The following RBFOX1 variants were observed in gnomAD, a reference collection of about 807,000 sequenced individuals.
RBFOX1 encodes RNA binding protein fox-1 homolog 1.
In RBFOX1, 8 loss-of-function variants were observed where a neutral mutation model predicts 57.7. The ratio of observed to expected loss-of-function variants is 0.14; its 90% CI spans 0.08 to 0.25. RBFOX1 has a LOEUF of 0.25. Among genes scored for constraint, RBFOX1 ranks in the 10% least tolerant of loss-of-function variants. The pLI is 1.00. For synonymous variants in RBFOX1, 326 were observed against 222.4 expected (o/e 1.47, Z -4.15); for missense variants, 611 against 548.5 (o/e 1.11, Z -1.14).
At chr16:7,349,555 C>G (rs1267597245) in intron 4 of RBFOX1, among the ~76,000 whole-genome samples, 2 of 151,710 alleles carry the variant, frequency 1.3e-5, no homozygotes, top group Non-Finnish European at 2.9e-5. Context: ...CAGTAGCTTA[C>G]CAGTTAATAC....
chr16:6,103,378 G>A (rs1405586869), intron 1 of RBFOX1, among the ~76,000 whole-genome samples: 1 of 152,064 alleles, frequency 6.6e-6, no homozygotes, highest in African/African-American at 2.4e-5. Context: ...ACATATGTAA[G>A]ATATCTAACA....
intron 1 of RBFOX1, among the ~76,000 whole-genome samples, chr16:6,074,701 G>A (rs1377508110): frequency 6.6e-6 from 1 of 152,164 alleles, no homozygotes; most frequent in African/African-American, 2.4e-5. Flanking sequence ...CAGAGGTAAG[G>A]GAGGATTCTG....
chr16:7,109,258 T>C (rs1267201499), intron 4 of RBFOX1, among the ~76,000 whole-genome samples: 1 of 152,182 alleles, frequency 6.6e-6, no homozygotes, highest in African/African-American at 2.4e-5. Flanking sequence ...CATATATTAT[T>C]GGATGCAAAC....
chr16:5,426,088 A>G (rs1256796680), intron 1 of RBFOX1, among the ~76,000 whole-genome samples: 1 of 152,184 alleles, frequency 6.6e-6, no homozygotes, highest in African/African-American at 2.4e-5. Context: ...CTCCTTCCAA[A>G]TCGATTTCAC....
chr16:6,291,186 C>T (rs2077432200), intron 1 of RBFOX1, among the ~76,000 whole-genome samples: 1 of 152,106 alleles, frequency 6.6e-6, no homozygotes, highest in Non-Finnish European at 1.5e-5. Context: ...TCAGCAAGGT[C>T]TTCTTGACCT....
intron 3 of RBFOX1, among the ~76,000 whole-genome samples, chr16:5,857,373 C>G (rs995892980): frequency 3.3e-5 from 5 of 152,000 alleles, no homozygotes; most frequent in African/African-American, 1.2e-4. Context: ...GCAGGTATTA[C>G]CAAAATGTGC....
chr16:5,315,220 G>A (rs2064203188), intron 1 of RBFOX1, among the ~76,000 whole-genome samples: 1 of 152,212 alleles, frequency 6.6e-6, no homozygotes, highest in African/African-American at 2.4e-5. Flanking sequence ...CAGAGAGGAA[G>A]GTTCGATGAG....
chr16:7,156,824 T>A (rs560956203), intron 4 of RBFOX1, among the ~76,000 whole-genome samples: 2 of 152,332 alleles, frequency 1.3e-5, no homozygotes, highest in South Asian at 2.1e-4. Context: ...TGCACAATTA[T>A]AGGATAATTT....
chr16:7,540,438 A>G (rs531652484), intron 5 of RBFOX1, among the ~76,000 whole-genome samples: 1 of 152,222 alleles, frequency 6.6e-6, no homozygotes, highest in East Asian at 1.9e-4. Flanking sequence ...TAACACAACT[A>G]CTCTGTGTTA....
Position 6,952,677 on chromosome 16 carries a change from A to G in RBFOX1, c.-15-99380A>G, listed in dbSNP as rs953685570. On this transcript the variant is annotated intron_variant, in intron 3 of 15. Transcript: ENST00000550418. The stretch of plus-strand genomic sequence containing the variant: ...AAAAAAGAAAAGAAAAAGAAATGAA[A>G]AAAAATTATCCTTGGTAGGGCCGGG... 1.8e-4 allele frequency among the ~76,000 whole-genome samples: 28 copies of G among 152,126 alleles called. No homozygotes were observed. The East Asian group carries it at 4.5e-3, about 24-fold the overall frequency.
intron 1 of RBFOX1, among the ~76,000 whole-genome samples, chr16:5,267,782 G>A (rs984363958): frequency 6.6e-6 from 1 of 152,134 alleles, no homozygotes; most frequent in African/African-American, 2.4e-5. Flanking sequence ...CAGGTGTGGA[G>A]GATAAAAAGA....
At chr16:5,436,420 C>G (rs776886357) in intron 1 of RBFOX1, among the ~76,000 whole-genome samples, 2 of 152,194 alleles carry the variant, frequency 1.3e-5, no homozygotes, top group Non-Finnish European at 2.9e-5. Flanking sequence ...AAAGCCTGGT[C>G]TTCTATTCTC....
chr16:7,100,057 G>A (rs571217979), intron 4 of RBFOX1, among the ~76,000 whole-genome samples: 38 of 151,742 alleles, frequency 2.5e-4, no homozygotes, highest in Admixed American at 1.1e-3. Context: ...TTCACATGAT[G>A]GGGGGTGAGG....
intron 3 of RBFOX1, among the ~76,000 whole-genome samples, chr16:5,756,771 T>C (rs762710469): frequency 6.6e-6 from 1 of 152,202 alleles, no homozygotes; most frequent in Non-Finnish European, 1.5e-5. Context: ...GAGATGTTAC[T>C]TGCCAGGGAT....
intron 4 of RBFOX1, among the ~76,000 whole-genome samples, chr16:7,099,225 T>C (rs2062226733): frequency 6.6e-6 from 1 of 152,118 alleles, no homozygotes; most frequent in African/African-American, 2.4e-5. Context: ...TACGTGTGGA[T>C]GTAGAATGAG....
At chr16:7,274,928 C>T (rs979784424) in intron 4 of RBFOX1, among the ~76,000 whole-genome samples, 2 of 152,038 alleles carry the variant, frequency 1.3e-5, no homozygotes, top group African/African-American at 2.4e-5. Context: ...AAGTGACCTG[C>T]CTGCCTCGGC....
intron 4 of RBFOX1, among the ~76,000 whole-genome samples, chr16:7,480,269 G>A (rs1368922171): frequency 2.6e-5 from 4 of 152,176 alleles, no homozygotes; most frequent in Non-Finnish European, 2.9e-5. Context: ...GCTAGAGCAA[G>A]GACAGATCTG....
chr16:7,161,666 C>G (rs982541829), intron 4 of RBFOX1, among the ~76,000 whole-genome samples: 2 of 152,148 alleles, frequency 1.3e-5, no homozygotes, highest in Non-Finnish European at 1.5e-5. Flanking sequence ...ATCAGGTTCA[C>G]AAATGCAGAA....
chr16:6,276,253 A>G (rs942867954), intron 1 of RBFOX1, among the ~76,000 whole-genome samples: 8 of 152,218 alleles, frequency 5.3e-5, no homozygotes, highest in African/African-American at 1.9e-4. Context: ...TAAATATGTC[A>G]AATGTGTGGA....
Sources: allele counts gnomAD v4.1 joint callset (sites outside exome capture counted in the v4.1 genomes callset), GRCh38; gene constraint gnomAD v4.1.1; transcripts MANE v1.5; gene names NCBI Gene and HGNC (gene_info 2026-07-23, HGNC 2026-07-21).